Variants in SLC44A5 observed in about 807,000 individuals in gnomAD.
SLC44A5 encodes solute carrier family 44 member 5.
SLC44A5 carries 57 observed loss-of-function variants against 101.8 expected under a neutral mutation model. The ratio of observed to expected loss-of-function variants is 0.56; its 90% CI spans 0.45 to 0.70. SLC44A5 has a LOEUF of 0.70. Among genes scored for constraint, SLC44A5 ranks in the 30% least tolerant of loss-of-function variants. The pLI is 0.00. For missense variants in SLC44A5, 737 were observed against 853.1 expected, an observed-to-expected ratio of 0.86 and a Z score of 1.70; for synonymous variants, 281 against 290.9, an observed-to-expected ratio of 0.97 and a Z score of 0.35.
intron 2 of SLC44A5, among the ~76,000 whole-genome samples, chr1:75,432,987 C>T (rs1437645387): frequency 2.6e-5 from 4 of 152,072 alleles, no homozygotes; most frequent in African/African-American, 9.7e-5. Flanking sequence ...TTATCCCTTC[C>T]TACCTGTTGG....
intron 2 of SLC44A5, among the ~76,000 whole-genome samples, chr1:75,537,299 G>A (rs1671107910): frequency 6.6e-6 from 1 of 152,024 alleles, no homozygotes; most frequent in East Asian, 1.9e-4. Context: ...TCATTATGAT[G>A]GAAGAGAAAG....
chr1:75,536,514 T>G (rs1255062878), intron 2 of SLC44A5, among the ~76,000 whole-genome samples: 1 of 142,704 alleles, frequency 7.0e-6, no homozygotes, highest in African/African-American at 2.6e-5. Context: ...GGTAGGAGAA[T>G]GGCATGAACC....
rs141741513 is a variant in SLC44A5 at position 75,464,953 on chromosome 1, C to A, written c.14-68332G>T. Among the ~76,000 whole-genome samples the A allele has an allele frequency of 3.5e-3, 522 of 148,928 alleles. 6 individuals are homozygous for A. The highest frequency in any genetic ancestry group is 0.012 in the African/African-American group (479 of 40,756). Reference sequence around the variant, plus strand: ...ACAATAATAGCTGGAAACTTTAACACCTCACTTTCAGCCTTGGACAGATAT... The same window carrying A: ...ACAATAATAGCTGGAAACTTTAACAACTCACTTTCAGCCTTGGACAGATAT... On this transcript the variant is annotated intron_variant, in intron 2 of 23. Transcript: ENST00000370859.
intron 6 of SLC44A5, among the ~76,000 whole-genome samples, chr1:75,253,040 G>A (rs1048703576): frequency 1.3e-5 from 2 of 152,178 alleles, no homozygotes; most frequent in Admixed American, 1.3e-4. Context: ...AGTGTTGATG[G>A]CTGGTCAGTT....
intron 5 of SLC44A5, among the ~76,000 whole-genome samples, chr1:75,281,636 G>GTCCCCCCC (rs1652570371): frequency 2.0e-5 from 1 of 49,458 alleles, no homozygotes; most frequent in Non-Finnish European, 4.4e-5. Flanking sequence ...CTGGTGCCAG[G>GTCCCCCCC]CCCCCCCCCC....
At chr1:75,563,873 C>T (rs1474456912) in intron 1 of SLC44A5, among the ~76,000 whole-genome samples, 1 of 151,982 alleles carries the variant, frequency 6.6e-6, no homozygotes, top group Non-Finnish European at 1.5e-5. Flanking sequence ...TGTCTTAAAG[C>T]AAATCGTAAG....
the SLC44A5 span, among the ~76,000 whole-genome samples, chr1:75,622,035 C>G: frequency 6.6e-6 from 1 of 152,044 alleles, no homozygotes; most frequent in South Asian, 2.1e-4. Flanking sequence ...TAAAATTTCA[C>G]CTGAATTAAA....
chr1:75,374,403 C>T (rs767769475), intron 3 of SLC44A5, among the ~76,000 whole-genome samples: 10 of 152,140 alleles, frequency 6.6e-5, no homozygotes, highest in Non-Finnish European at 1.2e-4. Context: ...CTCCTGGTGA[C>T]CTAACACTTG....
At chr1:75,250,839 T>C (rs945758302) in intron 7 of SLC44A5, among the ~76,000 whole-genome samples, 7 of 152,104 alleles carry the variant, frequency 4.6e-5, no homozygotes, top group Non-Finnish European at 1.0e-4. Flanking sequence ...AAAAAATAAA[T>C]GTTATTGTGT....
chr1:75,459,466 T>C (rs989948284), intron 2 of SLC44A5, among the ~76,000 whole-genome samples: 1 of 152,208 alleles, frequency 6.6e-6, no homozygotes, highest in Non-Finnish European at 1.5e-5. Flanking sequence ...TGATCCTTTG[T>C]AGAGGATCCC....
intron 4 of SLC44A5, among the ~76,000 whole-genome samples, chr1:75,302,294 C>G (rs1156721195): frequency 4.0e-5 from 6 of 151,488 alleles, no homozygotes; most frequent in Admixed American, 3.9e-4. Flanking sequence ...AGGTAAGAAA[C>G]TCAGAGAGAA....
At chr1:75,345,013 T>A (rs1570730763) in intron 3 of SLC44A5, among the ~76,000 whole-genome samples, 1 of 152,164 alleles carries the variant, frequency 6.6e-6, no homozygotes, top group Non-Finnish European at 1.5e-5. Flanking sequence ...ATTTACAAGA[T>A]AAGTTTTAAA....
intron 2 of SLC44A5, among the ~76,000 whole-genome samples, chr1:75,471,544 C>A (rs1334664140): frequency 6.6e-6 from 1 of 152,036 alleles, no homozygotes; most frequent in Admixed American, 6.6e-5. Flanking sequence ...GGGGGAAAGC[C>A]CATGCCCTCA....
chr1:75,536,728 C>G (rs924078986), intron 2 of SLC44A5, among the ~76,000 whole-genome samples: 2 of 148,928 alleles, frequency 1.3e-5, no homozygotes, highest in Admixed American at 6.7e-5. Context: ...ATATCTAGGC[C>G]GGGCGCGGTG....
chr1:75,325,658 T>C (rs1305568528), intron 4 of SLC44A5, among the ~76,000 whole-genome samples: 1 of 152,170 alleles, frequency 6.6e-6, no homozygotes, highest in Admixed American at 6.5e-5. Flanking sequence ...TAACCTCTTC[T>C]TGTGCTTAAT....
chr1:75,302,443 T>C (rs1475312663), intron 4 of SLC44A5, among the ~76,000 whole-genome samples: 2 of 152,058 alleles, frequency 1.3e-5, no homozygotes, highest in Non-Finnish European at 2.9e-5. Context: ...CCCGTCCTTA[T>C]ATATCTATAA....
At chr1:75,333,662 T>C (rs1049621533) in intron 4 of SLC44A5, among the ~76,000 whole-genome samples, 2 of 152,112 alleles carry the variant, frequency 1.3e-5, no homozygotes, top group African/African-American at 2.4e-5. Context: ...CCAACAAAGT[T>C]TGAAGTTCAG....
chr1:75,227,882 T>A (rs770592355), intron 12 of SLC44A5, 25 bp from the exon 13 acceptor site: 98 of 1,557,970 alleles, frequency 6.3e-5, no homozygotes, highest in Non-Finnish European at 8.5e-5. Context: ...AAAAACAGAA[T>A]AATATAAAAT....
At chr1:75,648,532 G>C in the SLC44A5 span, among the ~76,000 whole-genome samples, 1 of 152,090 alleles carries the variant, frequency 6.6e-6, no homozygotes, top group African/African-American at 2.4e-5. Context: ...CAGGACACTT[G>C]GCATATGATA....
Sources: gnomAD v4.1 joint callset for allele counts (sites outside exome capture counted in the v4.1 genomes callset) on GRCh38, gnomAD v4.1.1 for gene constraint, MANE v1.5 for transcripts, NCBI Gene and HGNC (gene_info 2026-07-23, HGNC 2026-07-21) for gene names.